The following PSD3 variants were observed in gnomAD, a reference collection of about 807,000 sequenced individuals.
The protein encoded by PSD3 is PH and SEC7 domain-containing protein 3.
PSD3 carries 49 observed loss-of-function variants against 105.5 expected under a neutral mutation model. That is an observed-to-expected ratio of 0.46 (90% CI 0.37 to 0.59). The LOEUF is 0.59. PSD3 is among the 20% of genes least tolerant of loss of function. The probability of loss-of-function intolerance (pLI) is 0.00; values close to 1 mark genes in which losing one functional copy is unlikely to be tolerated. For synonymous variants in PSD3, 557 were observed against 457.8 expected, an observed-to-expected ratio of 1.22 and a Z score of -2.77; for missense variants, 1,561 against 1,263.8, an observed-to-expected ratio of 1.24 and a Z score of -3.57.
chr8:18,617,287 T>A (rs1292543255), intron 11 of PSD3, among the ~76,000 whole-genome samples: 1 of 152,152 alleles, frequency 6.6e-6, no homozygotes, highest in African/African-American at 2.4e-5. Context: ...TCCCACCATT[T>A]TGGGAGGCTG....
chr8:18,824,598 A>C (rs1813024367), intron 4 of PSD3, among the ~76,000 whole-genome samples: 1 of 152,248 alleles, frequency 6.6e-6, no homozygotes, highest in African/African-American at 2.4e-5. Context: ...ATAGAAATAG[A>C]AAAATTAAAT....
intron 1 of PSD3, among the ~76,000 whole-genome samples, chr8:18,992,404 A>C (rs1254543279): frequency 1.3e-5 from 2 of 152,172 alleles, no homozygotes; most frequent in African/African-American, 4.8e-5. Flanking sequence ...TGTGCTTGGA[A>C]GTGTCTGGCA....
chr8:19,032,340 A>G (rs1827798094), intron 1 of PSD3, among the ~76,000 whole-genome samples: 1 of 152,136 alleles, frequency 6.6e-6, no homozygotes, highest in Non-Finnish European at 1.5e-5. Flanking sequence ...AAATATTTAG[A>G]AACAAATTAA....
chr8:18,825,697 C>A (rs1813122895), intron 4 of PSD3, among the ~76,000 whole-genome samples: 1 of 152,186 alleles, frequency 6.6e-6, no homozygotes, highest in African/African-American at 2.4e-5. Context: ...TCAATATTTT[C>A]AATGGACTGA....
chr8:18,985,501 G>C (rs968535529), intron 1 of PSD3, among the ~76,000 whole-genome samples: 5 of 152,146 alleles, frequency 3.3e-5, no homozygotes, highest in Non-Finnish European at 5.9e-5. Context: ...AACATATTTT[G>C]AATGAAAGCT....
At chr8:19,033,565 GT>G (rs71545540) in intron 1 of PSD3, among the ~76,000 whole-genome samples, 40,396 of 144,788 alleles carry the variant, frequency 0.28, 6,482 homozygotes, top group East Asian at 0.4. Context: ...TTTAAAATCT[GT>G]TTTTTTTTCT....
intron 11 of PSD3, 107 bp from the exon 12 acceptor site, chr8:18,600,541 G>C: frequency 1.1e-6 from 1 of 925,718 alleles, no homozygotes; most frequent in Non-Finnish European, 1.6e-6. Flanking sequence ...CCTAGCTACC[G>C]AAAGTAATAA....
intron 13 of PSD3, among the ~76,000 whole-genome samples, chr8:18,573,232 A>G (rs2717755): frequency 0.021 from 3,138 of 152,230 alleles, 121 homozygotes; most frequent in African/African-American, 0.071. Flanking sequence ...CACTTTGGGA[A>G]GCCGAGGTGG....
chr8:18,830,797 G>C (rs925818198), intron 4 of PSD3, among the ~76,000 whole-genome samples: 1 of 152,116 alleles, frequency 6.6e-6, no homozygotes, highest in Non-Finnish European at 1.5e-5. Flanking sequence ...TCCCGTTTCA[G>C]GGTTCTCTAA....
At chr8:18,903,290 G>C (rs1819628396) in intron 2 of PSD3, among the ~76,000 whole-genome samples, 2 of 152,116 alleles carry the variant, frequency 1.3e-5, no homozygotes, top group South Asian at 4.1e-4. Context: ...CGGGTCCCAG[G>C]GAATGAGTCA....
chr8:19,079,356 T>C (rs1563549534), intron 1 of PSD3, among the ~76,000 whole-genome samples: 1 of 152,214 alleles, frequency 6.6e-6, no homozygotes, highest in Non-Finnish European at 1.5e-5. Context: ...AATGGATGTT[T>C]CACTGCACAT....
chr8:18,762,892 G>GCTTA (rs1429944199), intron 9 of PSD3: 1 of 1,249,146 alleles, frequency 8.0e-7, no homozygotes, highest in Non-Finnish European at 1.0e-6. Flanking sequence ...ACAGAATTTG[G>GCTTA]CTTATACTTT....
chr8:18,744,251 G>A (rs1194966476), intron 9 of PSD3, among the ~76,000 whole-genome samples: 1 of 152,138 alleles, frequency 6.6e-6, no homozygotes, highest in Non-Finnish European at 1.5e-5. Context: ...TGGTTCATAA[G>A]TAGGTATATT....
intron 9 of PSD3, among the ~76,000 whole-genome samples, chr8:18,656,012 G>C (rs1210352865): frequency 6.6e-6 from 1 of 152,062 alleles, no homozygotes; most frequent in Non-Finnish European, 1.5e-5. Context: ...TTGAAAATAT[G>C]GTCTTGTAGT....
At chr8:18,771,790 T>G (rs549679063) in intron 8 of PSD3, among the ~76,000 whole-genome samples, 1 of 152,216 alleles carries the variant, frequency 6.6e-6, no homozygotes, top group Non-Finnish European at 1.5e-5. Context: ...AGTTCAGTAC[T>G]GTTTCACATT....
At chr8:18,840,859 C>T (rs1023005758) in intron 4 of PSD3, among the ~76,000 whole-genome samples, 6 of 152,122 alleles carry the variant, frequency 3.9e-5, no homozygotes, top group Non-Finnish European at 8.8e-5. Context: ...ATTCTAGTTC[C>T]AATTTCACTA....
chr8:18,848,215 T>C (rs1252256054), intron 4 of PSD3, among the ~76,000 whole-genome samples: 1 of 152,194 alleles, frequency 6.6e-6, no homozygotes, highest in East Asian at 1.9e-4. Flanking sequence ...TTTAACCATG[T>C]TGGTGTACAG....
chr8:19,074,521 T>C (rs1014481547), intron 1 of PSD3, among the ~76,000 whole-genome samples: 2 of 150,858 alleles, frequency 1.3e-5, no homozygotes, highest in Non-Finnish European at 2.9e-5. Flanking sequence ...TTTCCAAACA[T>C]GTAGTCTACT....
At chr8:18,859,964 G>A (rs971967350) in intron 4 of PSD3, among the ~76,000 whole-genome samples, 1 of 152,160 alleles carries the variant, frequency 6.6e-6, no homozygotes, top group East Asian at 1.9e-4. Context: ...TTGGCTGTTT[G>A]GTGCAAGAGG....
Sources: gnomAD v4.1 joint callset for allele counts (sites outside exome capture counted in the v4.1 genomes callset) on GRCh38, gnomAD v4.1.1 for gene constraint, MANE v1.5 for transcripts, NCBI Gene and HGNC (gene_info 2026-07-23, HGNC 2026-07-21) for gene names.